TPD52: variants seen among roughly 807,000 people sequenced by gnomAD.
TPD52 encodes the protein tumor protein D52.
A neutral mutation model predicts 31.3 loss-of-function variants in TPD52; 17 were observed. That is an observed-to-expected ratio of 0.54 (90% confidence interval 0.37 to 0.82). The LOEUF (loss-of-function observed/expected upper bound fraction) is 0.82. Ranked by LOEUF, TPD52 falls within the 40% of genes least tolerant of loss-of-function variation. The pLI is 0.00. For missense variants in TPD52, 212 were observed against 240.1 expected, an observed-to-expected ratio of 0.88 and a Z score of 0.77; for synonymous variants, 83 against 89.6, an observed-to-expected ratio of 0.93 and a Z score of 0.42.
At chr8:80,108,917 G>A (rs994078380) in intron 1 of TPD52, among the ~76,000 whole-genome samples, 7 of 152,014 alleles carry the variant, frequency 4.6e-5, no homozygotes, top group Admixed American at 1.3e-4. Context: ...CCTGATCCTC[G>A]GGAACTTGGA....
At position 80,044,530 on chromosome 8, in the gene TPD52, G is replaced by A. The variant is rs968800394; in HGVS notation, c.414-322C>T. Among the ~76,000 whole-genome samples, 3 of 152,120 alleles carry A rather than the reference G, an allele frequency of 2.0e-5. No homozygotes were observed. The East Asian group carries it at 5.8e-4, about 29-fold the overall frequency. ...TTACCGTAGGTCACAGCAGAATCAAGAATAGAACTTGGGTCTAATTCAGTG... is the reference window on the plus strand; with the variant it reads ...TTACCGTAGGTCACAGCAGAATCAAAAATAGAACTTGGGTCTAATTCAGTG... On this transcript the variant is annotated intron_variant, in intron 5 of 7. Transcript: ENST00000518937.
chr8:80,063,923 GA>G (rs1224504086), intron 2 of TPD52, among the ~76,000 whole-genome samples: 6 of 130,956 alleles, frequency 4.6e-5, no homozygotes, highest in African/African-American at 1.1e-4. Flanking sequence ...CAGAGGGAGG[GA>G]GGGGGAGGGG....
intron 1 of TPD52, among the ~76,000 whole-genome samples, chr8:80,137,574 G>A (rs1053281256): frequency 2.0e-5 from 3 of 152,136 alleles, no homozygotes; most frequent in East Asian, 1.9e-4. Context: ...CATAACAGCC[G>A]CTCTGGGAGA....
chr8:80,094,336 G>GTTCTTA lies in TPD52; in HGVS notation c.20-29749_20-29744dup, dbSNP rs1816519822. ...TGCTAACAAATCGCCAAGCCAATTT[G>GTTCTTA]TTCTTATTCTTACGCAGGTAGCTAG... On this transcript the variant is annotated intron_variant, in intron 1 of 7. Transcript: ENST00000518937. Among the ~76,000 whole-genome samples, 3 of 149,204 alleles carry GTTCTTA rather than the reference G, an allele frequency of 2.0e-5. No individual in the cohort carries two copies. The Admixed American group carries it at 2.0e-4, about 10-fold the overall frequency.
intron 1 of TPD52, among the ~76,000 whole-genome samples, chr8:80,069,031 T>G (rs991197322): frequency 7.9e-5 from 12 of 152,156 alleles, no homozygotes; most frequent in Non-Finnish European, 1.6e-4. Flanking sequence ...TTACTCCAAG[T>G]TGAATAGCAA....
chr8:80,088,907 G>A (rs1372476716), intron 1 of TPD52, among the ~76,000 whole-genome samples: 1 of 152,122 alleles, frequency 6.6e-6, no homozygotes, highest in African/African-American at 2.4e-5. Context: ...GCATTAGCCA[G>A]GATGGTCTCG....
chr8:80,151,090 T>G (rs779650387), intron 1 of TPD52, among the ~76,000 whole-genome samples: 12 of 152,202 alleles, frequency 7.9e-5, no homozygotes, highest in Non-Finnish European at 1.8e-4. Context: ...CAGGTCTTTC[T>G]CGTGCTGTTC....
chr8:80,041,164 G>GT (rs1347998832), intron 7 of TPD52, among the ~76,000 whole-genome samples: 7 of 152,204 alleles, frequency 4.6e-5, no homozygotes, highest in Non-Finnish European at 1.0e-4. Flanking sequence ...GTAGGGGAGG[G>GT]ATAGCATTAG....
intron 1 of TPD52, among the ~76,000 whole-genome samples, chr8:80,072,351 G>GTA (rs1813930426): frequency 6.7e-6 from 1 of 149,654 alleles, no homozygotes; most frequent in Non-Finnish European, 1.5e-5. Context: ...GTGTGTGTAT[G>GTA]TGTGTATATA....
intron 1 of TPD52, among the ~76,000 whole-genome samples, chr8:80,088,398 G>A (rs561971403): frequency 6.6e-6 from 1 of 152,190 alleles, no homozygotes; most frequent in Non-Finnish European, 1.5e-5. Flanking sequence ...TCAATAACAC[G>A]AGGTTAGTCA....
chr8:80,111,773 G>C (rs1233476629), intron 1 of TPD52, among the ~76,000 whole-genome samples: 1 of 152,216 alleles, frequency 6.6e-6, no homozygotes, highest in Non-Finnish European at 1.5e-5. Context: ...GTCAGGCAGA[G>C]CCAAGGATCA....
chr8:80,122,129 T>C (rs1168077257), intron 1 of TPD52, among the ~76,000 whole-genome samples: 1 of 152,136 alleles, frequency 6.6e-6, no homozygotes, highest in Non-Finnish European at 1.5e-5. Context: ...ACAAAAGTTC[T>C]CTCAAGAGAA....
At chr8:80,087,980 A>T (rs889661377) in intron 1 of TPD52, among the ~76,000 whole-genome samples, 1 of 152,338 alleles carries the variant, frequency 6.6e-6, no homozygotes, top group African/African-American at 2.4e-5. Flanking sequence ...TTCTCAGCTA[A>T]TCCTCAAAAC....
chr8:80,119,312 C>T (rs1808084465), intron 1 of TPD52, among the ~76,000 whole-genome samples: 1 of 152,004 alleles, frequency 6.6e-6, no homozygotes. Context: ...AAGGAGTATC[C>T]TTTTGGGTTG....
chr8:80,145,456 G>A (rs1042108700), intron 1 of TPD52, among the ~76,000 whole-genome samples: 6 of 152,192 alleles, frequency 3.9e-5, no homozygotes, highest in East Asian at 1.9e-4. Flanking sequence ...AGGAGCAGCC[G>A]AAATGCAAGA....
intron 2 of TPD52, among the ~76,000 whole-genome samples, chr8:80,061,299 G>A (rs1268911489): frequency 6.6e-6 from 1 of 151,912 alleles, no homozygotes; most frequent in Non-Finnish European, 1.5e-5. Context: ...GGGAGGTGGA[G>A]GTTGCAGTGA....
chr8:80,120,011 A>G (rs1563640545), intron 1 of TPD52: 1 of 243,866 alleles, frequency 4.1e-6, no homozygotes, highest in East Asian at 1.2e-4. Context: ...GAGACTGACA[A>G]ATTTGACTAT....
At chr8:80,162,867 G>A (rs779404870) in intron 1 of TPD52, among the ~76,000 whole-genome samples, 2 of 151,948 alleles carry the variant, frequency 1.3e-5, no homozygotes, top group Non-Finnish European at 2.9e-5. Flanking sequence ...TCAAGGTTAT[G>A]GTAATCTATG....
intron 1 of TPD52, among the ~76,000 whole-genome samples, chr8:80,143,393 A>G (rs1468570667): frequency 6.6e-6 from 1 of 152,214 alleles, no homozygotes; most frequent in African/African-American, 2.4e-5. Flanking sequence ...ATAACCCTCA[A>G]CTTCACTGAT....
Sources: allele counts gnomAD v4.1 joint callset (sites outside exome capture counted in the v4.1 genomes callset), GRCh38; gene constraint gnomAD v4.1.1; transcripts MANE v1.5; gene names NCBI Gene and HGNC (gene_info 2026-07-23, HGNC 2026-07-21).